Variants in OXTR observed in about 807,000 individuals in gnomAD.
OXTR encodes oxytocin receptor.
OXTR carries 19 observed loss-of-function variants against 23.9 expected under a neutral mutation model. The ratio of observed to expected loss-of-function variants is 0.80; its 90% CI spans 0.56 to 1.17. The LOEUF is 1.17. Among genes scored for constraint, OXTR ranks in the 50% most tolerant of loss-of-function variants. The pLI, the probability that OXTR is intolerant of heterozygous loss-of-function variation, is 0.00. For missense variants in OXTR, 500 were observed against 550.7 expected (o/e 0.91, Z 0.92); for synonymous variants, 278 against 250.5 (o/e 1.11, Z -1.04).
intron 3 of OXTR, among the ~76,000 whole-genome samples, chr3:8,759,226 T>G (rs1268065986): frequency 1.3e-5 from 2 of 152,242 alleles, no homozygotes; most frequent in Non-Finnish European, 2.9e-5. Context: ...AAGCTCCTAC[T>G]CACCCCTCAA....
chr3:8,746,940 A>G (rs935967073), downstream of OXTR, among the ~76,000 whole-genome samples: 1 of 152,112 alleles, frequency 6.6e-6, no homozygotes, highest in Non-Finnish European at 1.5e-5. Context: ...GAAATGCTGT[A>G]TATTTCTCTC....
chr3:8,760,363 T>C (rs1038231191), intron 3 of OXTR, among the ~76,000 whole-genome samples: 1 of 152,224 alleles, frequency 6.6e-6, no homozygotes, highest in African/African-American at 2.4e-5. Context: ...CCCACATTTA[T>C]GCATGTCAGC....
chr3:8,760,825 C>T (rs1239879962), intron 3 of OXTR, among the ~76,000 whole-genome samples: 2 of 152,222 alleles, frequency 1.3e-5, no homozygotes, highest in Non-Finnish European at 2.9e-5. Flanking sequence ...GGCAAATCAT[C>T]GGGCCTGGCT....
At chr3:8,762,098 C>G (rs1250099899) in intron 3 of OXTR, among the ~76,000 whole-genome samples, 1 of 152,208 alleles carries the variant, frequency 6.6e-6, no homozygotes, top group Non-Finnish European at 1.5e-5. Context: ...CACACCCAGA[C>G]ACGCCAGCCC....
At chr3:8,757,594 T>C (rs1708397104) in intron 3 of OXTR, among the ~76,000 whole-genome samples, 1 of 152,088 alleles carries the variant, frequency 6.6e-6, no homozygotes, top group Admixed American at 6.5e-5. Flanking sequence ...AGGAGCAGGA[T>C]CTTAGGGTCT....
rs1192258696 is a variant in OXTR, at chr3:8,767,574, G to C, written c.614C>G (p.Thr205Arg). The C allele has an allele frequency of 1.9e-6, 3 of 1,613,486 alleles. No homozygotes were observed. The highest frequency in any genetic ancestry group is 1.7e-5 in the Admixed American group (1 of 60,014). The change falls in exon 3 of 4, where the codon ACG (threonine) becomes AGG (arginine). Residue 205 changes from threonine to arginine, a missense_variant. Transcript: ENST00000316793. ...GACCGGCACGATGTAGACAGCTAGC[G>C]TGATCCATGTGATGTAGGCCTTGGG... ...WGPKAYITWITLAVYIVPVIV... is the reference protein window; with the variant it reads ...WGPKAYITWIRLAVYIVPVIV...
At chr3:8,764,541 G>A (rs1708564091) in intron 3 of OXTR, among the ~76,000 whole-genome samples, 1 of 152,184 alleles carries the variant, frequency 6.6e-6, no homozygotes, top group African/African-American at 2.4e-5. Flanking sequence ...CTTGCTGGTA[G>A]CCTCTGGATT....
rs1053008153 is a variant in OXTR at position 8,767,825 on chromosome 3, C to T, written c.363G>A (p.Val121=). The stretch of plus-strand genomic sequence containing the variant: ...GCAGGTAGGTGGAGGCGAACATGCC[C>T]ACCACCTGCAAGTACTTGACCAGGC... ...LCRLVKYLQV[V]GMFASTYLLL... Residue 121 remains valine, a synonymous_variant, in exon 3 of 4, where the codon GTG becomes GTA. Coordinates refer to ENST00000316793, the MANE Select transcript of OXTR (RefSeq NM_000916.4). The T allele has an allele frequency of 6.2e-7, 1 of 1,611,532 alleles. No individual in the cohort carries two copies. Among genetic ancestry groups the T allele is most frequent in the African/African-American group, 1.3e-5 (1 of 74,936 alleles).
chr3:8,765,013 C>A (rs765109162), intron 3 of OXTR, among the ~76,000 whole-genome samples: 171 of 152,324 alleles, frequency 1.1e-3, no homozygotes, highest in Non-Finnish European at 1.3e-3. Context: ...TGGGCTTCAG[C>A]AGGAGCCCGT....
At chr3:8,764,922 C>A (rs75201364) in intron 3 of OXTR, among the ~76,000 whole-genome samples, 2 of 152,136 alleles carry the variant, frequency 1.3e-5, no homozygotes, top group African/African-American at 2.4e-5. Context: ...CATGCAACAC[C>A]CACCCTTCCC....
chr3:8,755,399 C>T (rs2268490), intron 3 of OXTR, among the ~76,000 whole-genome samples: 27,891 of 152,222 alleles, frequency 0.18, 3,019 homozygotes, highest in East Asian at 0.49. Context: ...CACTGTTTTG[C>T]CTAGTTGGAT....
chr3:8,761,483 G>A (rs1026296208), intron 3 of OXTR, among the ~76,000 whole-genome samples: 1 of 145,794 alleles, frequency 6.9e-6, no homozygotes, highest in South Asian at 2.2e-4. Flanking sequence ...AGATCATCGG[G>A]AAAACTGCTG....
the OXTR span, among the ~76,000 whole-genome samples, chr3:8,745,259 C>T: frequency 2.0e-5 from 3 of 152,152 alleles, no homozygotes; most frequent in African/African-American, 4.8e-5. This position sits in a 1 kb window ranked among gnomAD's most constrained non-coding sequence, Gnocchi z 4.8. Context: ...AAGCTCCCTG[C>T]GGCCTCACCT....
chr3:8,767,270 C>T lies in OXTR; in HGVS notation c.918G>A (p.Lys306=). The T allele has an allele frequency of 6.5e-7, 1 of 1,541,724 alleles. No homozygotes were observed. The highest frequency in any genetic ancestry group is 8.7e-7 in the Non-Finnish European group (1 of 1,145,448). ...GGGTCTCCCAGCCCTGGCTACCTTC[C>T]TTGGGCGCGTTGGCATCCCAGACGC... ...MWSVWDANAP[K]EASAFIIVML... The change falls in exon 3 of 4, where the codon AAG becomes AAA. Residue 306 remains lysine, a synonymous_variant. Coordinates refer to ENST00000316793, the MANE Select transcript of OXTR (RefSeq NM_000916.4).
chr3:8,763,702 G>T (rs1298205564), intron 3 of OXTR, among the ~76,000 whole-genome samples: 1 of 152,164 alleles, frequency 6.6e-6, no homozygotes, highest in Non-Finnish European at 1.5e-5. Context: ...CACCAAGTCA[G>T]CACCCGACGG....
Position 8,767,433 on chromosome 3 carries a change from C to T in OXTR, c.755G>A (p.Gly252Glu). 1 of 1,605,492 alleles carries T rather than the reference C, an allele frequency of 6.2e-7. No homozygotes were observed. Among genetic ancestry groups the T allele is most frequent in the Non-Finnish European group, 8.5e-7 (1 of 1,176,350 alleles). Residue 252 changes from glycine (G) to glutamate (E), a missense_variant, in exon 3 of 4, where the codon GGG becomes GAG. Coordinates refer to ENST00000316793, the MANE Select transcript of OXTR (RefSeq NM_000916.4). ...EAPEGAAAGD[G>E]GRVALARVSS... ...GACACGCGCCAGGGCCACGCGCCCC[C>T]CATCGCCAGCCGCCGCGCCCTCTGG...
At chr3:8,745,869 G>A (rs1217230439), downstream of OXTR, 2 of 1,608,578 alleles carry the variant, frequency 1.2e-6, no homozygotes, top group Admixed American at 1.7e-5. The surrounding 1 kb of genome is among the most constrained non-coding windows in gnomAD (Gnocchi z 4.8). Flanking sequence ...GAGGTCTAAA[G>A]CCAGGTGGGG....
In OXTR at chr3:8,750,622, T is replaced by C. The variant is rs939435754; in HGVS notation, c.*2355A>G. ...GTCCATTTTAGACATTGCATTTCAA[T>C]GCAGTCAGACAATATGTGGGCTTTT... is the stretch of plus-strand genomic sequence containing the variant. On this transcript the variant is annotated 3_prime_UTR_variant, in exon 4 of 4. Coordinates refer to ENST00000316793, the MANE Select transcript of OXTR (RefSeq NM_000916.4). The C allele has an allele frequency of 6.6e-6, 1 of 152,234 alleles. No individual in the cohort carries two copies. The highest frequency in any genetic ancestry group is 1.5e-5 in the Non-Finnish European group (1 of 68,036). 9.4% of individuals were successfully genotyped at this position (152,234 alleles called of 1,614,324 possible).
At chr3:8,764,725 C>T (rs1329967106) in intron 3 of OXTR, among the ~76,000 whole-genome samples, 3 of 152,204 alleles carry the variant, frequency 2.0e-5, no homozygotes, top group Admixed American at 1.3e-4. Context: ...CCAGAGTCCA[C>T]GTCATCACCT....
Sources: gnomAD v4.1 joint callset for allele counts (sites outside exome capture counted in the v4.1 genomes callset) on GRCh38, gnomAD v4.1.1 for gene constraint, Gnocchi (gnomAD v3.1) non-coding constraint, MANE v1.5 for transcripts, NCBI Gene and HGNC (gene_info 2026-07-23, HGNC 2026-07-21) for gene names.